DHRSX: variants seen among roughly 807,000 people sequenced by gnomAD.
DHRSX encodes the protein dehydrogenase/reductase X-linked.
In DHRSX, 31 loss-of-function variants were observed where a neutral mutation model predicts 34.0. The observed-to-expected ratio is 0.91, with a 90% confidence interval of 0.69 to 1.23. The LOEUF (loss-of-function observed/expected upper bound fraction) is 1.23. Ranked by LOEUF, DHRSX falls within the 50% of genes most tolerant of loss-of-function variation. The pLI is 0.00. For missense variants in DHRSX, 414 were observed against 428.1 expected (o/e 0.97, Z 0.29); for synonymous variants, 201 against 183.8 (o/e 1.09, Z -0.76).
chrX:2,407,039 C>T (rs4892914), intron 3 of DHRSX, among the ~76,000 whole-genome samples: 2 of 152,026 alleles, frequency 1.3e-5, no homozygotes, highest in African/African-American at 4.8e-5. Flanking sequence ...CACACGAAAG[C>T]ATAAAGAAAA....
At position 2,493,775 on chromosome X, in the gene DHRSX, C is replaced by A. The variant is rs1007171793; in HGVS notation, c.109+7042G>T. Among the ~76,000 whole-genome samples, 16 of 152,076 alleles carry A rather than the reference C, an allele frequency of 1.1e-4. No homozygotes were observed. In the East Asian group the frequency reaches 2.7e-3, roughly 26 times the overall value. ...ATCTGAGGTCAGGAGTTTGAGACCACCCTGGACAACATGGTGAAACCCCTC... is the reference window on the plus strand; with the variant it reads ...ATCTGAGGTCAGGAGTTTGAGACCAACCTGGACAACATGGTGAAACCCCTC... On this transcript the variant is annotated intron_variant, in intron 1 of 6. Coordinates refer to ENST00000334651, the MANE Select transcript of DHRSX (RefSeq NM_145177.3).
chrX:2,242,194 C>T (rs772851941), intron 6 of DHRSX, among the ~76,000 whole-genome samples: 2 of 152,038 alleles, frequency 1.3e-5, no homozygotes, highest in Admixed American at 6.6e-5. Flanking sequence ...GTATTTTGTG[C>T]GTTGATTTTT....
intron 1 of DHRSX, among the ~76,000 whole-genome samples, chrX:2,453,253 G>T (rs181305946): frequency 6.6e-6 from 1 of 152,100 alleles, no homozygotes; most frequent in African/African-American, 2.4e-5. Context: ...TCAGTTGCTG[G>T]CCAAAAGCGG....
chrX:2,481,258 G>A lies in DHRSX; in HGVS notation c.109+19559C>T, dbSNP rs148505881. On this transcript the variant is annotated intron_variant, in intron 1 of 6. Coordinates refer to ENST00000334651, the MANE Select transcript of DHRSX (RefSeq NM_145177.3). ...AGAAAGCAAAACAAGTCCCAGTTTCGAGGACAGCTGTGACATATTTAATGG... is the reference window on the plus strand; with the variant it reads ...AGAAAGCAAAACAAGTCCCAGTTTCAAGGACAGCTGTGACATATTTAATGG... Among the ~76,000 whole-genome samples, 345 of 152,182 alleles carry A rather than the reference G, an allele frequency of 2.3e-3. 2 individuals are homozygous for A. The highest frequency in any genetic ancestry group is 7.6e-3 in the African/African-American group (314 of 41,496).
chrX:2,343,118 A>G (rs2042660808), intron 3 of DHRSX, among the ~76,000 whole-genome samples: 1 of 152,180 alleles, frequency 6.6e-6, no homozygotes, highest in South Asian at 2.1e-4. Flanking sequence ...ACCCTGAGAC[A>G]GCCTCCCCTC....
At chrX:2,222,172 G>A (rs138563035) in intron 6 of DHRSX, among the ~76,000 whole-genome samples, 2,252 of 152,304 alleles carry the variant, frequency 0.015, 32 homozygotes, top group Non-Finnish European at 0.019. Context: ...AATGTTTACC[G>A]GTTGCCCAGC....
At chrX:2,347,642 C>T (rs1039004920) in intron 3 of DHRSX, among the ~76,000 whole-genome samples, 48 of 152,066 alleles carry the variant, frequency 3.2e-4, no homozygotes, top group African/African-American at 1.0e-3. Context: ...TGTAGTGAGC[C>T]GAGATCATGC....
chrX:2,393,393 C>A (rs113350746), intron 3 of DHRSX, among the ~76,000 whole-genome samples: 2 of 146,108 alleles, frequency 1.4e-5, no homozygotes, highest in Non-Finnish European at 1.5e-5. Flanking sequence ...CAAGACACAG[C>A]GACCTCCCCA....
At position 2,221,197 on chromosome X, in the gene DHRSX, G is replaced by T; in HGVS notation, c.837C>A (p.Tyr279Ter). 6.2e-7 allele frequency: 1 copy of T among 1,613,854 alleles called. No individual in the cohort carries two copies. The highest frequency in any genetic ancestry group is 8.5e-7 in the Non-Finnish European group (1 of 1,179,824). Residue 279 changes from tyrosine (Y) to a stop codon, truncating the protein, a stop_gained, in exon 7 of 7, where the codon TAC becomes TAA. Coordinates refer to ENST00000334651, the MANE Select transcript of DHRSX (RefSeq NM_145177.3). LOFTEE classifies it high-confidence loss of function. ...CTTCCAGCTCTGGGGTGACTGCTGC[G>T]TAGATGGAAGTCCACGCTCCTTCAT... The part of the protein sequence containing the change: ...TPDEGAWTSI[Y>*]AAVTPELEGV...
intron 5 of DHRSX, among the ~76,000 whole-genome samples, chrX:2,260,399 CCTCCAT>C (rs1415424170): frequency 8.5e-5 from 13 of 152,180 alleles, no homozygotes; most frequent in Admixed American, 3.3e-4. Context: ...CCAGTCTCCA[CCTCCAT>C]CTCCATCTCC....
At chrX:2,498,615 C>T (rs910511489) in intron 1 of DHRSX, among the ~76,000 whole-genome samples, 1 of 125,650 alleles carries the variant, frequency 8.0e-6, no homozygotes, top group African/African-American at 2.9e-5. Context: ...GTTGTTTAAT[C>T]AGTAAATGGG....
intron 2 of DHRSX, among the ~76,000 whole-genome samples, chrX:2,409,461 T>C (rs2043599440): frequency 6.6e-6 from 1 of 152,104 alleles, no homozygotes; most frequent in Non-Finnish European, 1.5e-5. Context: ...GTGTGGGATG[T>C]TCCCCTCCCT....
At chrX:2,316,152 G>A (rs189081683) in intron 3 of DHRSX, among the ~76,000 whole-genome samples, 335 of 150,312 alleles carry the variant, frequency 2.2e-3, no homozygotes, top group African/African-American at 7.3e-3. Context: ...GTGAGCCACC[G>A]CGCCCGGCCA....
At chrX:2,475,412 A>G (rs1411204885) in intron 1 of DHRSX, among the ~76,000 whole-genome samples, 2 of 150,106 alleles carry the variant, frequency 1.3e-5, no homozygotes, top group African/African-American at 2.5e-5. Context: ...GACCGCCACC[A>G]TGTACACACT....
At chrX:2,283,223 G>C (rs761212578) in intron 4 of DHRSX, among the ~76,000 whole-genome samples, 233 of 152,126 alleles carry the variant, frequency 1.5e-3, no homozygotes, top group South Asian at 5.4e-3. Flanking sequence ...GCAGGGAACA[G>C]CCTGCCGCAG....
In DHRSX at chrX:2,356,030, C is replaced by T. The variant is rs186322813; in HGVS notation, c.286+52715G>A. ...GCAGTGAGCCGAGATTGCGCCATTGCACTCCACCCTGGGCAACAAGTGCGA... is the reference window on the plus strand; with the variant it reads ...GCAGTGAGCCGAGATTGCGCCATTGTACTCCACCCTGGGCAACAAGTGCGA... On this transcript the variant is annotated intron_variant, in intron 3 of 6. Transcript: ENST00000334651. 5.4e-3 allele frequency among the ~76,000 whole-genome samples: 805 copies of T among 149,390 alleles called. 8 individuals are homozygous for T. The highest frequency in any genetic ancestry group is 0.017 in the Admixed American group (245 of 14,818).
rs1167672114 is a variant in DHRSX at position 2,248,625 on chromosome X, AAG to A, written c.597-5397_597-5396del. 1.9e-3 allele frequency among the ~76,000 whole-genome samples: 147 copies of A among 76,564 alleles called. 7 individuals carry two copies. Among genetic ancestry groups the A allele is most frequent in the South Asian group, 3.8e-3 (11 of 2,916 alleles). The allele number at this position is 76,564 out of a possible 152,430, so 50.2% of individuals were successfully genotyped here. On this transcript the variant is annotated intron_variant, in intron 5 of 6. Coordinates refer to ENST00000334651, the MANE Select transcript of DHRSX (RefSeq NM_145177.3). Reference sequence around the variant, plus strand: ...CAAGACTCTGTCTCAAAAAAAAAAAAAGAAAAAGAAAAGAAAAGAAAAAGAAA... The same window carrying A: ...CAAGACTCTGTCTCAAAAAAAAAAAAAAAAAGAAAAGAAAAGAAAAAGAAA...
chrX:2,268,115 C>G (rs1304174317), intron 4 of DHRSX, among the ~76,000 whole-genome samples: 6 of 152,204 alleles, frequency 3.9e-5, no homozygotes, highest in Non-Finnish European at 7.3e-5. Flanking sequence ...TAGACATCAT[C>G]ATCACCGCAG....
chrX:2,271,997 C>T (rs1372372244), intron 4 of DHRSX, among the ~76,000 whole-genome samples: 1 of 152,054 alleles, frequency 6.6e-6, no homozygotes, highest in Non-Finnish European at 1.5e-5. Flanking sequence ...GCCGAGATCA[C>T]ACCACTGCAC....
Sources: allele counts gnomAD v4.1 joint callset (sites outside exome capture counted in the v4.1 genomes callset), GRCh38; gene constraint gnomAD v4.1.1; transcripts MANE v1.5; gene names NCBI Gene and HGNC (gene_info 2026-07-23, HGNC 2026-07-21).